WWOX: variants seen among roughly 807,000 people sequenced by gnomAD.
WWOX encodes the protein WW domain-containing oxidoreductase.
A neutral mutation model predicts 46.2 loss-of-function variants in WWOX; 69 were observed. That is an observed-to-expected ratio of 1.49 (90% CI 1.23 to 1.82). The LOEUF (loss-of-function observed/expected upper bound fraction) is 1.82. WWOX is among the 40% of genes most tolerant of loss of function. The pLI is 0.00. For synonymous variants in WWOX, 359 were observed against 202.6 expected (o/e 1.77, Z -6.56); for missense variants, 919 against 542.6 (o/e 1.69, Z -6.89).
chr16:79,165,078 T>C (rs368374889), intron 8 of WWOX, among the ~76,000 whole-genome samples: 4 of 151,740 alleles, frequency 2.6e-5, no homozygotes, highest in Admixed American at 6.6e-5. Context: ...GTATCACTTA[T>C]CCTACGTTCC....
intron 8 of WWOX, among the ~76,000 whole-genome samples, chr16:79,200,180 C>A (rs1412472448): frequency 1.3e-5 from 2 of 152,130 alleles, no homozygotes; most frequent in East Asian, 3.9e-4. Flanking sequence ...ATGACATCCG[C>A]CAGAGGCCTG....
intron 8 of WWOX, among the ~76,000 whole-genome samples, chr16:78,585,096 C>G (rs187772936): frequency 6.0e-4 from 92 of 152,318 alleles, no homozygotes; most frequent in African/African-American, 2.0e-3. Context: ...AAACCTGAAC[C>G]TAAAAAGAAA....
chr16:78,563,009 C>T (rs1197402264), intron 8 of WWOX, among the ~76,000 whole-genome samples: 1 of 151,960 alleles, frequency 6.6e-6, no homozygotes, highest in Non-Finnish European at 1.5e-5. Flanking sequence ...AATCCCTCCC[C>T]CTATCTTTCT....
chr16:78,478,241 T>A (rs1229590239), intron 8 of WWOX, among the ~76,000 whole-genome samples: 1 of 152,222 alleles, frequency 6.6e-6, no homozygotes, highest in African/African-American at 2.4e-5. Context: ...TACAAAATAC[T>A]GTATTTATGG....
At chr16:78,818,225 A>T (rs2051393405) in intron 8 of WWOX, among the ~76,000 whole-genome samples, 4 of 152,200 alleles carry the variant, frequency 2.6e-5, no homozygotes, top group Admixed American at 2.6e-4. Context: ...GCTGAAGGCT[A>T]CAGGTTACCC....
At chr16:78,154,410 C>T (rs1049453997) in intron 4 of WWOX, among the ~76,000 whole-genome samples, 3 of 150,646 alleles carry the variant, frequency 2.0e-5, no homozygotes, top group East Asian at 2.0e-4. Flanking sequence ...CCACAGTTTT[C>T]GCTTGCTTCA....
intron 5 of WWOX, chr16:78,355,577 C>T (rs2081268416): frequency 1.0e-5 from 5 of 481,978 alleles, no homozygotes; most frequent in African/African-American, 2.1e-5. Context: ...TGTGGAGGAT[C>T]CCCTGGATCT....
chr16:78,558,911 T>C (rs2044367835), intron 8 of WWOX, among the ~76,000 whole-genome samples: 4 of 152,252 alleles, frequency 2.6e-5, no homozygotes, highest in Admixed American at 2.0e-4. Context: ...GTTCCCATAC[T>C]AACCCCTACA....
chr16:78,686,119 T>G (rs911995255), intron 8 of WWOX, among the ~76,000 whole-genome samples: 2 of 152,204 alleles, frequency 1.3e-5, no homozygotes, highest in African/African-American at 4.8e-5. Flanking sequence ...CAGGACCAGA[T>G]GTTCACTGGA....
At chr16:78,669,104 A>G (rs16948277) in intron 8 of WWOX, among the ~76,000 whole-genome samples, 4,808 of 152,210 alleles carry the variant, frequency 0.032, 246 homozygotes, top group African/African-American at 0.11. Flanking sequence ...TGGATAAGCC[A>G]AAACCACCTC....
At chr16:78,627,483 C>A (rs916944334) in intron 8 of WWOX, among the ~76,000 whole-genome samples, 5 of 152,310 alleles carry the variant, frequency 3.3e-5, no homozygotes, top group Non-Finnish European at 5.9e-5. Context: ...TTCTGTGATC[C>A]TGTAAGTCTT....
intron 6 of WWOX, among the ~76,000 whole-genome samples, chr16:78,411,493 T>C (rs973533118): frequency 2.6e-5 from 4 of 152,102 alleles, no homozygotes; most frequent in Non-Finnish European, 5.9e-5. Flanking sequence ...GGCGTACTCA[T>C]CCATGGGGCA....
Position 79,078,877 on chromosome 16 carries a change from C to T in WWOX, c.1057-132731C>T. 1.3e-5 allele frequency among the ~76,000 whole-genome samples: 2 copies of T among 152,152 alleles called. 1 individual carries two copies. Among genetic ancestry groups the T allele is most frequent in the East Asian group, 3.9e-4 (2 of 5,184 alleles). On this transcript the variant is annotated intron_variant, in intron 8 of 8. Coordinates refer to ENST00000566780, the MANE Select transcript of WWOX (RefSeq NM_016373.4). ...AAGTGCTTAAACCAATTGCCAGGCA[C>T]ATAATAGGTGCTCAATAAATACTTC...
At chr16:78,791,174 C>T (rs2050588099) in intron 8 of WWOX, among the ~76,000 whole-genome samples, 2 of 152,108 alleles carry the variant, frequency 1.3e-5, no homozygotes, top group African/African-American at 4.8e-5. Context: ...TTCCTGACTA[C>T]CATCTGGATG....
chr16:78,633,288 A>G (rs549814109), intron 8 of WWOX, among the ~76,000 whole-genome samples: 2 of 152,184 alleles, frequency 1.3e-5, no homozygotes, highest in South Asian at 4.2e-4. Context: ...AAAAAACAAG[A>G]AGTTAAGGAT....
chr16:78,993,970 A>G (rs55667562), intron 8 of WWOX, among the ~76,000 whole-genome samples: 2,210 of 152,286 alleles, frequency 0.015, 55 homozygotes, highest in African/African-American at 0.05. Flanking sequence ...GGGCAAGCCA[A>G]CAGCTCAGCC....
intron 8 of WWOX, among the ~76,000 whole-genome samples, chr16:78,669,162 C>G (rs1567477465): frequency 6.6e-6 from 1 of 152,104 alleles, no homozygotes; most frequent in Non-Finnish European, 1.5e-5. Context: ...AGAAGGGACC[C>G]CAGAACCGGA....
intron 8 of WWOX, among the ~76,000 whole-genome samples, chr16:78,974,456 C>T (rs2046532694): frequency 6.6e-6 from 1 of 152,170 alleles, no homozygotes; most frequent in Non-Finnish European, 1.5e-5. Flanking sequence ...AGTTCCACAA[C>T]AAAATGGGAT....
At chr16:78,443,071 G>C (rs2083480745) in intron 8 of WWOX, among the ~76,000 whole-genome samples, 1 of 150,770 alleles carries the variant, frequency 6.6e-6, no homozygotes, top group Non-Finnish European at 1.5e-5. Context: ...GGGAGGTGGA[G>C]GTTGCAGTGA....
Sources: gnomAD v4.1 joint callset for allele counts (sites outside exome capture counted in the v4.1 genomes callset) on GRCh38, gnomAD v4.1.1 for gene constraint, MANE v1.5 for transcripts, NCBI Gene and HGNC (gene_info 2026-07-23, HGNC 2026-07-21) for gene names.